Variants in RAB3GAP2 observed in about 807,000 individuals in gnomAD.
RAB3GAP2 encodes the protein rab3 GTPase-activating protein non-catalytic subunit.
RAB3GAP2 carries 87 observed loss-of-function variants against 185.3 expected under a neutral mutation model. The ratio of observed to expected loss-of-function variants is 0.47; its 90% CI spans 0.39 to 0.56. The LOEUF (loss-of-function observed/expected upper bound fraction) is 0.56, where lower values mean the gene tolerates loss of function less well. Ranked by LOEUF, RAB3GAP2 falls within the 20% of genes least tolerant of loss-of-function variation. The probability of loss-of-function intolerance (pLI) is 0.00; values close to 1 mark genes in which losing one functional copy is unlikely to be tolerated. For missense variants in RAB3GAP2, 1,492 were observed against 1,638.2 expected, an observed-to-expected ratio of 0.91 and a Z score of 1.54; for synonymous variants, 554 against 576.1, an observed-to-expected ratio of 0.96 and a Z score of 0.55.
In RAB3GAP2 at chr1:220,266,203, G is replaced by A. The variant is rs552911406; in HGVS notation, c.115+6020C>T. 6.1e-5 allele frequency: 11 copies of A among 181,590 alleles called. No individual in the cohort carries two copies. In the East Asian group the frequency reaches 1.4e-3, roughly 24 times the overall value. The allele number at this position is 181,590 out of a possible 1,614,324, so 11.2% of individuals were successfully genotyped here. A position where few individuals can be genotyped will look rare whatever the true frequency, so the allele number is the denominator to read the frequency against. ...AGCAGCTGTCCACAGTAAAATAAAA[G>A]TACTTTTTTTTCTGTACAAATATCT... On this transcript the variant is annotated intron_variant, in intron 1 of 34. Transcript: ENST00000358951.
intron 17 of RAB3GAP2, among the ~76,000 whole-genome samples, chr1:220,185,986 C>T (rs1354781234): frequency 6.6e-6 from 1 of 152,078 alleles, no homozygotes; most frequent in Non-Finnish European, 1.5e-5. Flanking sequence ...AACTAGAAGG[C>T]AACTGCTACT....
intron 8 of RAB3GAP2, among the ~76,000 whole-genome samples, chr1:220,204,625 T>G (rs1658926255): frequency 1.3e-5 from 2 of 152,294 alleles, no homozygotes; most frequent in African/African-American, 4.8e-5. Flanking sequence ...AGGGTACATG[T>G]GCACAATGTG....
chr1:220,222,103 T>G (rs961655067), intron 2 of RAB3GAP2, among the ~76,000 whole-genome samples: 1 of 152,188 alleles, frequency 6.6e-6, no homozygotes, highest in East Asian at 1.9e-4. Context: ...GCCTAAGCCA[T>G]AGAAATAAAA....
chr1:220,202,973 A>T (rs1351309407), intron 8 of RAB3GAP2, among the ~76,000 whole-genome samples: 2 of 152,140 alleles, frequency 1.3e-5, no homozygotes, highest in Admixed American at 1.3e-4. Context: ...AAACAAAAAC[A>T]AAGTGAATTC....
chr1:220,164,024 T>C (rs920412896), intron 27 of RAB3GAP2, among the ~76,000 whole-genome samples: 1 of 152,048 alleles, frequency 6.6e-6, no homozygotes, highest in East Asian at 1.9e-4. Flanking sequence ...TCAATTCCTA[T>C]AATGAAACCC....
At chr1:220,183,901 G>T (rs1308965707) in intron 19 of RAB3GAP2, 135 bp downstream of exon 19, 1 of 661,872 alleles carries the variant, frequency 1.5e-6, no homozygotes, top group Admixed American at 3.2e-5. Context: ...GAGCTAGCAG[G>T]GGGCTTGGTA....
At chr1:220,192,933 CT>C (rs951718511) in intron 13 of RAB3GAP2, among the ~76,000 whole-genome samples, 10 of 152,092 alleles carry the variant, frequency 6.6e-5, no homozygotes, top group African/African-American at 2.4e-4. Context: ...TCAAGAATGG[CT>C]TTGTGAAGGG....
intron 2 of RAB3GAP2, among the ~76,000 whole-genome samples, chr1:220,228,066 T>C (rs1162836238): frequency 6.6e-6 from 1 of 152,222 alleles, no homozygotes; most frequent in Non-Finnish European, 1.5e-5. Flanking sequence ...ATAATTGTTT[T>C]TATAATTATA....
intron 19 of RAB3GAP2, 136 bp downstream of exon 19, chr1:220,183,900 G>A: frequency 1.5e-6 from 1 of 657,228 alleles, no homozygotes; most frequent in East Asian, 3.2e-5. Flanking sequence ...AGAGCTAGCA[G>A]GGGGCTTGGT....
At chr1:220,235,380 A>C (rs1659572454) in intron 1 of RAB3GAP2, among the ~76,000 whole-genome samples, 1 of 152,238 alleles carries the variant, frequency 6.6e-6, no homozygotes, top group South Asian at 2.1e-4. Flanking sequence ...AAAGTTTCAG[A>C]ATATGTATTA....
intron 2 of RAB3GAP2, among the ~76,000 whole-genome samples, chr1:220,222,561 A>G (rs1162318555): frequency 6.6e-6 from 1 of 152,180 alleles, no homozygotes; most frequent in Non-Finnish European, 1.5e-5. Flanking sequence ...TTAATCACAA[A>G]AAAACTATAA....
chr1:220,195,739 G>A (rs760560898), intron 10 of RAB3GAP2, among the ~76,000 whole-genome samples: 44 of 151,884 alleles, frequency 2.9e-4, no homozygotes, highest in Non-Finnish European at 5.6e-4. Context: ...ATATATATAT[G>A]CACACACATA....
In RAB3GAP2 at chr1:220,199,776, T is replaced by C. The variant is rs767273463; in HGVS notation, c.811+2500A>G. Reference sequence around the variant, plus strand: ...TAAAAATTAAGAAACCCTTAATTCTTTCCTTCCTCTTGTTTCTCAAAACCA... The same window carrying C: ...TAAAAATTAAGAAACCCTTAATTCTCTCCTTCCTCTTGTTTCTCAAAACCA... On this transcript the variant is annotated intron_variant, in intron 9 of 34. Coordinates refer to ENST00000358951, the MANE Select transcript of RAB3GAP2 (RefSeq NM_012414.4). 2.2e-4 allele frequency among the ~76,000 whole-genome samples: 34 copies of C among 152,286 alleles called. 1 individual carries two copies. The highest frequency in any genetic ancestry group is 7.4e-5 in the Non-Finnish European group (5 of 68,020).
At position 220,148,388 on chromosome 1, in the gene RAB3GAP2, G is replaced by A. The variant is rs1213996102; in HGVS notation, c.*2863C>T. Reference sequence around the variant, plus strand: ...TATATACAGAATTTCACTACTTACAGTACATTACAATAGAGAAAGCATTTT... The same window carrying A: ...TATATACAGAATTTCACTACTTACAATACATTACAATAGAGAAAGCATTTT... On this transcript the variant is annotated 3_prime_UTR_variant, in exon 35 of 35. Coordinates refer to ENST00000358951, the MANE Select transcript of RAB3GAP2 (RefSeq NM_012414.4). 6.6e-6 allele frequency: 1 copy of A among 152,142 alleles called. No individual in the cohort carries two copies. The highest frequency in any genetic ancestry group is 1.5e-5 in the Non-Finnish European group (1 of 68,040). 9.4% of individuals were successfully genotyped at this position (152,142 alleles called of 1,614,324 possible). A position where few individuals can be genotyped will look rare whatever the true frequency, so the allele number is the denominator to read the frequency against.
chr1:220,149,285 G>GTGTT lies in RAB3GAP2; in HGVS notation c.*1962_*1965dup, dbSNP rs756401952. 5.3e-5 allele frequency: 8 copies of GTGTT among 152,086 alleles called. No individual in the cohort carries two copies. The highest frequency in any genetic ancestry group is 1.0e-4 in the Non-Finnish European group (7 of 68,020). The allele number at this position is 152,086 out of a possible 1,614,324, so 9.4% of individuals were successfully genotyped here. ...AATCTAACTAGAGACTTAATGATTT[G>GTGTT]TGTTAGGATTCTGTGAGCCATACTT... On this transcript the variant is annotated 3_prime_UTR_variant, in exon 35 of 35. Transcript: ENST00000358951.
chr1:220,186,736 A>T (rs1658514403), intron 17 of RAB3GAP2, among the ~76,000 whole-genome samples: 1 of 152,200 alleles, frequency 6.6e-6, no homozygotes, highest in Non-Finnish European at 1.5e-5. Context: ...TAAAATTCAC[A>T]GCTTCATACA....
At chr1:220,210,215 A>G (rs1313042791) in intron 7 of RAB3GAP2, among the ~76,000 whole-genome samples, 173 bp downstream of exon 7, 4 of 152,256 alleles carry the variant, frequency 2.6e-5, no homozygotes, top group African/African-American at 9.6e-5. Context: ...TAAAAGCAAG[A>G]CTGGTATTCT....
chr1:220,170,431 T>C (rs2102858592), intron 24 of RAB3GAP2, among the ~76,000 whole-genome samples: 1 of 152,000 alleles, frequency 6.6e-6, no homozygotes, highest in African/African-American at 2.4e-5. Flanking sequence ...AAAAAGTAGT[T>C]ATATTTCCCA....
rs1660234448 is a variant in RAB3GAP2, at chr1:220,266,827, C to A, written c.115+5396G>T. The A allele has an allele frequency of 1.9e-6, 3 of 1,596,944 alleles. No individual in the cohort carries two copies. The Admixed American group carries it at 5.0e-5, about 27-fold the overall frequency. The stretch of plus-strand genomic sequence containing the variant: ...GCCTCTGGCTGGGAACATGCTTCAA[C>A]AGTCTTGAAATGAGGTCCCTGGCTC... On this transcript the variant is annotated intron_variant, in intron 1 of 34. Coordinates refer to ENST00000358951, the MANE Select transcript of RAB3GAP2 (RefSeq NM_012414.4).
Sources: gnomAD v4.1 joint callset for allele counts (sites outside exome capture counted in the v4.1 genomes callset) on GRCh38, gnomAD v4.1.1 for gene constraint, MANE v1.5 for transcripts, NCBI Gene and HGNC (gene_info 2026-07-23, HGNC 2026-07-21) for gene names.